Variants in VPS53 observed in about 807,000 individuals in gnomAD.
VPS53 encodes the protein VPS53 subunit of GARP complex, also known as vacuolar protein sorting-associated protein 53 homolog.
Under a neutral mutation model 107.0 loss-of-function variants are expected in VPS53, and 70 were observed. That is an observed-to-expected ratio of 0.65 (90% CI 0.54 to 0.80). The LOEUF is 0.80. Ranked by LOEUF, VPS53 falls within the 30% of genes least tolerant of loss-of-function variation. The probability of loss-of-function intolerance (pLI) is 0.00; values close to 1 mark genes in which losing one functional copy is unlikely to be tolerated. For missense variants in VPS53, 917 were observed against 1,049.4 expected (o/e 0.87, Z 1.74); for synonymous variants, 409 against 393.3 (o/e 1.04, Z -0.47).
At position 520,857 on chromosome 17, in the gene VPS53, T is replaced by TGCTTCACCCTCACCTACATGAGCA. The variant is rs34035787; in HGVS notation, c.2223+743_2223+744insTGCTCATGTAGGTGAGGGTGAAGC. ...CTGCTTCACCCTCACCTACATGAGCTCTTCACCCTCACCTACATGAGCTCT... is the reference window on the plus strand; with the variant it reads ...CTGCTTCACCCTCACCTACATGAGCTGCTTCACCCTCACCTACATGAGCACTTCACCCTCACCTACATGAGCTCT... On this transcript the variant is annotated intron_variant, in intron 20 of 21. Coordinates refer to ENST00000437048, the MANE Select transcript of VPS53 (RefSeq NM_001128159.3). This position sits in a 1 kb window ranked among gnomAD's most constrained non-coding sequence, Gnocchi z 4.4. 1.2e-5 allele frequency among the ~76,000 whole-genome samples: 1 copy of TGCTTCACCCTCACCTACATGAGCA among 85,062 alleles called. No homozygotes were observed. The highest frequency in any genetic ancestry group is 3.9e-5 in the African/African-American group (1 of 25,322). 55.8% of individuals were successfully genotyped at this position (85,062 alleles called of 152,430 possible).
intron 17 of VPS53, among the ~76,000 whole-genome samples, chr17:546,000 G>A (rs1012780223): frequency 2.0e-5 from 3 of 152,118 alleles, no homozygotes; most frequent in African/African-American, 7.2e-5. Context: ...TGGCCTGAGG[G>A]TGGACATACA....
At chr17:544,534 G>A (rs556140314) in intron 17 of VPS53, among the ~76,000 whole-genome samples, 79 of 152,270 alleles carry the variant, frequency 5.2e-4, no homozygotes, top group African/African-American at 1.7e-3. Context: ...CTGTGGTGGC[G>A]TGATCACAGC....
At chr17:544,984 G>A (rs1406157506) in intron 17 of VPS53, among the ~76,000 whole-genome samples, 1 of 152,094 alleles carries the variant, frequency 6.6e-6, no homozygotes, top group African/African-American at 2.4e-5. Flanking sequence ...GGGAGGCTAG[G>A]GTGAGAGGAT....
chr17:563,849 C>A (rs1567629689), intron 13 of VPS53, among the ~76,000 whole-genome samples: 1 of 152,170 alleles, frequency 6.6e-6, no homozygotes, highest in Non-Finnish European at 1.5e-5. Flanking sequence ...GAGACAGATG[C>A]CTAAACAAAG....
chr17:533,038 T>C, intron 18 of VPS53, 127 bp from the exon 19 acceptor site: 1 of 1,425,132 alleles, frequency 7.0e-7, no homozygotes, highest in Non-Finnish European at 9.4e-7. Flanking sequence ...TGGACTCCAC[T>C]GTTGCCCATT....
chr17:599,531 G>A (rs1158718529), intron 12 of VPS53, among the ~76,000 whole-genome samples: 2 of 150,774 alleles, frequency 1.3e-5, no homozygotes, highest in Non-Finnish European at 3.0e-5. Context: ...GATGTGCTTT[G>A]TTAAACAGAT....
chr17:530,079 T>C (rs1262302681), intron 19 of VPS53, among the ~76,000 whole-genome samples: 1 of 151,896 alleles, frequency 6.6e-6, no homozygotes, highest in East Asian at 1.9e-4. Context: ...TGTTTGCTGC[T>C]GGTATATAGA....
intron 12 of VPS53, among the ~76,000 whole-genome samples, chr17:587,041 T>C (rs1967356996): frequency 6.8e-6 from 1 of 146,946 alleles, no homozygotes; most frequent in Non-Finnish European, 1.5e-5. Context: ...CACGAGTTCC[T>C]AAAAAAAAAA....
At chr17:591,553 T>G (rs1377181659) in intron 12 of VPS53, among the ~76,000 whole-genome samples, 1 of 152,218 alleles carries the variant, frequency 6.6e-6, no homozygotes, top group Non-Finnish European at 1.5e-5. Context: ...GCTTTGAATG[T>G]GTCCCAGAGA....
intron 5 of VPS53, 86 bp downstream of exon 5, chr17:661,723 T>C (rs1971445844): frequency 7.5e-7 from 1 of 1,324,562 alleles, no homozygotes. Flanking sequence ...GTGCCATTAT[T>C]AGAAAAAGCT....
chr17:575,832 A>G (rs1914554011), intron 13 of VPS53, among the ~76,000 whole-genome samples: 2 of 149,198 alleles, frequency 1.3e-5, no homozygotes, highest in Non-Finnish European at 3.0e-5. Context: ...ATGCGTTCCT[A>G]GAAAACTCTC....
In VPS53 at chr17:701,268, G is replaced by A. The variant is rs144015318; in HGVS notation, c.169-1888C>T. 6.6e-5 allele frequency among the ~76,000 whole-genome samples: 10 copies of A among 151,974 alleles called. No homozygotes were observed. In the East Asian group the frequency reaches 1.8e-3, roughly 27 times the overall value. On this transcript the variant is annotated intron_variant, in intron 2 of 21. Transcript: ENST00000437048. The stretch of plus-strand genomic sequence containing the variant: ...CTGAGCCCAGAAGGTCGAGGCTGCA[G>A]TAAGTCATGTTTGCACCACTGCACT...
intron 13 of VPS53, among the ~76,000 whole-genome samples, chr17:574,193 G>A (rs145717604): frequency 0.014 from 2,129 of 152,262 alleles, 33 homozygotes; most frequent in Non-Finnish European, 0.022. Context: ...CACAGCCTGC[G>A]CAGTATCTGC....
intron 8 of VPS53, among the ~76,000 whole-genome samples, chr17:629,809 CCACACA>C (rs61004817): frequency 0.35 from 49,842 of 140,616 alleles, 10,656 homozygotes; most frequent in Non-Finnish European, 0.45. Flanking sequence ...AAAAAAAAAA[CCACACA>C]CACACACACA....
rs998879804 is a variant in VPS53 at position 560,565 on chromosome 17, G to C, written c.1565C>G (p.Thr522Ser). Residue 522 changes from threonine to serine, a missense_variant, in exon 15 of 22, where the codon ACC becomes AGC. Transcript: ENST00000437048. ...ILSGNLPKTT[T>S]SSGGLTISSL... ...GCTGATAGTCAGTCCTCCACTGCTG[G>C]TTGTGGTTCTGAAGAAAAGGAACAG... 5.0e-6 allele frequency: 8 copies of C among 1,613,464 alleles called. No homozygotes were observed. In the Admixed American group the frequency reaches 6.7e-5, roughly 13 times the overall value.
chr17:545,684 C>G (rs1169110907), intron 17 of VPS53, among the ~76,000 whole-genome samples: 1 of 152,202 alleles, frequency 6.6e-6, no homozygotes, highest in Admixed American at 6.5e-5. Flanking sequence ...GGGAATACTA[C>G]AGTTAAGCAA....
intron 6 of VPS53, among the ~76,000 whole-genome samples, chr17:654,461 G>A (rs538118683): frequency 9.9e-5 from 15 of 152,040 alleles, no homozygotes; most frequent in African/African-American, 3.1e-4. Context: ...AGGATTGGCC[G>A]GGCGCGGTGG....
chr17:576,178 C>T (rs1914593567), intron 13 of VPS53, among the ~76,000 whole-genome samples: 3 of 151,662 alleles, frequency 2.0e-5, no homozygotes, highest in Admixed American at 1.3e-4. Context: ...CTAATGTGTT[C>T]ACAGAGAACC....
intron 18 of VPS53, among the ~76,000 whole-genome samples, chr17:533,990 C>T (rs543906233): frequency 6.6e-6 from 1 of 152,182 alleles, no homozygotes; most frequent in African/African-American, 2.4e-5. Context: ...CAGGCACGCA[C>T]CAGCATACCC....
Sources: gnomAD v4.1 joint callset for allele counts (sites outside exome capture counted in the v4.1 genomes callset) on GRCh38, gnomAD v4.1.1 for gene constraint, Gnocchi (gnomAD v3.1) non-coding constraint, MANE v1.5 for transcripts, NCBI Gene and HGNC (gene_info 2026-07-23, HGNC 2026-07-21) for gene names.